SAMD12: variants seen among roughly 807,000 people sequenced by gnomAD.
SAMD12 encodes sterile alpha motif domain containing 12, also known as sterile alpha motif domain-containing protein 12.
SAMD12 carries 9 observed loss-of-function variants against 15.0 expected under a neutral mutation model. The observed-to-expected ratio is 0.60, with a 90% CI of 0.36 to 1.05. The LOEUF (loss-of-function observed/expected upper bound fraction) is 1.05, where lower values mean the gene tolerates loss of function less well. Ranked by LOEUF, SAMD12 falls within the 50% of genes least tolerant of loss-of-function variation. The pLI, the probability that SAMD12 is intolerant of heterozygous loss-of-function variation, is 0.01. For synonymous variants in SAMD12, 86 were observed against 90.1 expected, an observed-to-expected ratio of 0.96 and a Z score of 0.25; for missense variants, 230 against 234.2, an observed-to-expected ratio of 0.98 and a Z score of 0.12.
chr8:118,572,754 T>C (rs1827050383), intron 2 of SAMD12, among the ~76,000 whole-genome samples: 2 of 152,178 alleles, frequency 1.3e-5, no homozygotes, highest in Non-Finnish European at 2.9e-5. Context: ...TTGTAAATTG[T>C]GCAGTCTCAG....
At chr8:118,409,987 G>A (rs750636427) in intron 3 of SAMD12, among the ~76,000 whole-genome samples, 15 of 151,820 alleles carry the variant, frequency 9.9e-5, no homozygotes, top group East Asian at 9.8e-4. Context: ...TAAAGTACAC[G>A]TATATCTTTT....
At chr8:118,177,121 G>A in the SAMD12 span, among the ~76,000 whole-genome samples, 4 of 152,210 alleles carry the variant, frequency 2.6e-5, no homozygotes, top group African/African-American at 9.6e-5. Context: ...ACAAAAGGGA[G>A]AGTGTTGGCC....
At chr8:118,607,553 T>A (rs1828014621) in intron 1 of SAMD12, among the ~76,000 whole-genome samples, 1 of 152,120 alleles carries the variant, frequency 6.6e-6, no homozygotes, top group African/African-American at 2.4e-5. Context: ...CTAATTAGGA[T>A]TTTTAGGCAT....
intron 2 of SAMD12, among the ~76,000 whole-genome samples, chr8:118,526,965 A>C (rs1054758202): frequency 2.0e-5 from 3 of 152,242 alleles, no homozygotes; most frequent in African/African-American, 7.2e-5. Context: ...AACTCACTGA[A>C]GACATCCAAA....
chr8:118,342,526 C>T lies in SAMD12; in HGVS notation c.433+37034G>A, dbSNP rs560048423. The stretch of plus-strand genomic sequence containing the variant: ...TTTCTATCTTGGCCAAATTACAGTC[C>T]GATAAAGAATATAGTGAGTTTCATT... On this transcript the variant is annotated intron_variant, in intron 4 of 4. Transcript: ENST00000409003. 3.0e-4 allele frequency among the ~76,000 whole-genome samples: 45 copies of T among 152,112 alleles called. No homozygotes were observed. In the Middle Eastern group the frequency reaches 0.01, roughly 34 times the overall value.
chr8:118,482,464 A>AT (rs1483291498), intron 2 of SAMD12, among the ~76,000 whole-genome samples: 5 of 150,070 alleles, frequency 3.3e-5, no homozygotes, highest in South Asian at 2.1e-4. Flanking sequence ...CGGGAAATAT[A>AT]TATTTTTTTT....
At chr8:118,605,869 G>A (rs1019651032) in intron 1 of SAMD12, among the ~76,000 whole-genome samples, 7 of 134,604 alleles carry the variant, frequency 5.2e-5, no homozygotes, top group Non-Finnish European at 9.4e-5. Flanking sequence ...TATGTACAAG[G>A]GTTTACTGGC....
chr8:118,349,834 A>G (rs12679535), intron 4 of SAMD12, among the ~76,000 whole-genome samples: 28,031 of 152,100 alleles, frequency 0.18, 2,777 homozygotes, highest in South Asian at 0.26. Flanking sequence ...GTGGATAATA[A>G]CAAGAGCCAC....
At position 118,378,425 on chromosome 8, in the gene SAMD12, C is replaced by T; in HGVS notation, c.*992G>A. 1 of 980,232 alleles carries T rather than the reference C, an allele frequency of 1.0e-6. No homozygotes were observed. The highest frequency in any genetic ancestry group is 1.2e-6 in the Non-Finnish European group (1 of 825,274). The allele number at this position is 980,232 out of a possible 1,614,324, so 60.7% of individuals were successfully genotyped here. On this transcript the variant is annotated 3_prime_UTR_variant, in exon 4 of 4. Transcript: ENST00000314727. ...TACCAGTAAATTCACCATTGGAAAT[C>T]TCTGAGGACAAAATGCAAATAATGC...
chr8:118,531,334 T>A (rs889061457), intron 2 of SAMD12, among the ~76,000 whole-genome samples: 1 of 152,250 alleles, frequency 6.6e-6, no homozygotes, highest in South Asian at 2.1e-4. Context: ...TACTGTAGCC[T>A]TGTAGTATAG....
chr8:118,334,426 A>G (rs13248150), intron 4 of SAMD12, among the ~76,000 whole-genome samples: 35,421 of 152,066 alleles, frequency 0.23, 4,387 homozygotes, highest in African/African-American at 0.29. Context: ...TATCTAAGAT[A>G]TGTAGGAGAT....
At chr8:118,286,697 G>C (rs923186424) in intron 4 of SAMD12, among the ~76,000 whole-genome samples, 1 of 152,186 alleles carries the variant, frequency 6.6e-6, no homozygotes, top group Non-Finnish European at 1.5e-5. Flanking sequence ...ACAAGCATGA[G>C]AGGTAGCTGG....
intron 2 of SAMD12, among the ~76,000 whole-genome samples, chr8:118,532,484 T>C (rs1385629805): frequency 6.6e-6 from 1 of 152,220 alleles, no homozygotes; most frequent in Non-Finnish European, 1.5e-5. Context: ...CCTCTTTTTC[T>C]ATTGATTGGA....
chr8:118,536,940 T>C lies in SAMD12; in HGVS notation c.192+43775A>G, dbSNP rs1563569628. Among the ~76,000 whole-genome samples, 3 of 152,254 alleles carry C rather than the reference T, an allele frequency of 2.0e-5. No homozygotes were observed. In the South Asian group the frequency reaches 6.2e-4, roughly 31 times the overall value. On this transcript the variant is annotated intron_variant, in intron 2 of 3. Transcript: ENST00000314727. Reference sequence around the variant, plus strand: ...AGATTAAAGATTCAAGAACTTCCCTTAGTATTTCTTGTAGGACAGGTCTGG... The same window carrying C: ...AGATTAAAGATTCAAGAACTTCCCTCAGTATTTCTTGTAGGACAGGTCTGG...
At chr8:118,536,802 T>C (rs7844282) in intron 2 of SAMD12, among the ~76,000 whole-genome samples, 105,265 of 152,150 alleles carry the variant, frequency 0.69, 37,683 homozygotes, top group African/African-American at 0.89. Context: ...TATGAGCTTA[T>C]ACACCACAAT....
At chr8:118,490,046 G>A (rs901798599) in intron 2 of SAMD12, among the ~76,000 whole-genome samples, 3 of 152,132 alleles carry the variant, frequency 2.0e-5, no homozygotes, top group African/African-American at 7.2e-5. Flanking sequence ...GAAAAAGGCA[G>A]ATAGGAAAGG....
intron 3 of SAMD12, among the ~76,000 whole-genome samples, chr8:118,385,572 T>C (rs1819911335): frequency 6.6e-6 from 1 of 152,214 alleles, no homozygotes; most frequent in Admixed American, 6.5e-5. Flanking sequence ...TATATGTATA[T>C]GTGTGTATAC....
intron 4 of SAMD12, among the ~76,000 whole-genome samples, chr8:118,210,335 T>G (rs1051660897): frequency 6.6e-6 from 1 of 152,208 alleles, no homozygotes; most frequent in Non-Finnish European, 1.5e-5. Context: ...TAAGAACTGA[T>G]GAAGCCAGGA....
At chr8:118,615,290 G>C (rs1828213492) in intron 1 of SAMD12, among the ~76,000 whole-genome samples, 1 of 152,064 alleles carries the variant, frequency 6.6e-6, no homozygotes, top group South Asian at 2.1e-4. Flanking sequence ...AGAACTAAAT[G>C]CTCCATTTGT....
Sources: gnomAD v4.1 joint callset for allele counts (sites outside exome capture counted in the v4.1 genomes callset) on GRCh38, gnomAD v4.1.1 for gene constraint, MANE v1.5 for transcripts, NCBI Gene and HGNC (gene_info 2026-07-23, HGNC 2026-07-21) for gene names.